RIMBP2: variants seen among roughly 807,000 people sequenced by gnomAD.
RIMBP2 encodes RIMS-binding protein 2.
Under a neutral mutation model 118.6 loss-of-function variants are expected in RIMBP2, and 48 were observed. The observed-to-expected ratio is 0.40, with a 90% CI of 0.32 to 0.51. The LOEUF (loss-of-function observed/expected upper bound fraction) is 0.51. Among genes scored for constraint, RIMBP2 ranks in the 20% least tolerant of loss-of-function variants. The probability of loss-of-function intolerance (pLI) is 0.41; values close to 1 mark genes in which losing one functional copy is unlikely to be tolerated. For synonymous variants in RIMBP2, 762 were observed against 742.9 expected (o/e 1.03, Z -0.42); for missense variants, 1,551 against 1,768.3 (o/e 0.88, Z 2.20).
rs142012102 is a variant in RIMBP2, at chr12:130,439,048, T to C, written c.1505-532A>G. Among the ~76,000 whole-genome samples, 834 of 151,986 alleles carry C rather than the reference T, an allele frequency of 5.5e-3. 7 individuals carry two copies. The highest frequency in any genetic ancestry group is 0.019 in the African/African-American group (781 of 41,454). On this transcript the variant is annotated intron_variant, in intron 11 of 22. Coordinates refer to ENST00000690449, the MANE Select transcript of RIMBP2 (RefSeq NM_001393629.1). ...TGCCCGGACCGCATATTCCCCATCT[T>C]ACCACCCCATGAAACTGAGCAAAAC... is the stretch of plus-strand genomic sequence containing the variant.
chr12:130,594,577 A>C (rs2059447563), intron 2 of RIMBP2, among the ~76,000 whole-genome samples: 1 of 152,216 alleles, frequency 6.6e-6, no homozygotes, highest in Admixed American at 6.5e-5. Flanking sequence ...TTGCAAAAAA[A>C]TCTCATAGTG....
intron 1 of RIMBP2, among the ~76,000 whole-genome samples, chr12:130,671,750 C>T (rs909368929): frequency 6.8e-6 from 1 of 147,294 alleles, no homozygotes; most frequent in Non-Finnish European, 1.5e-5. Context: ...CTTCTCCAGA[C>T]ATTACCAATA....
Position 130,456,768 on chromosome 12 carries a change from TCACATGTGTTGTACGTGTG to T in RIMBP2, c.154-87_154-69del. 8.1e-6 allele frequency: 10 copies of T among 1,227,868 alleles called. No homozygotes were observed. In the South Asian group the frequency reaches 1.4e-4, roughly 17 times the overall value. The allele number at this position is 1,227,868 out of a possible 1,614,324, so 76.1% of individuals were successfully genotyped here. A position where few individuals can be genotyped will look rare whatever the true frequency, so the allele number is the denominator to read the frequency against. On this transcript the variant is annotated intron_variant, in intron 6 of 22. Coordinates refer to ENST00000690449, the MANE Select transcript of RIMBP2 (RefSeq NM_001393629.1). ...GTGGTGGAAATGTGTGTGCGCCTGT[TCACATGTGTTGTACGTGTG>T]CACATGTGCACTGTGTGCACGTGTG...
chr12:130,574,824 T>C (rs1253877785), intron 2 of RIMBP2, among the ~76,000 whole-genome samples: 3 of 152,096 alleles, frequency 2.0e-5, no homozygotes, highest in Non-Finnish European at 2.9e-5. Context: ...CAAGCCTGGT[T>C]CCCTCTGTCC....
chr12:130,451,587 G>A (rs368534065), intron 7 of RIMBP2, among the ~76,000 whole-genome samples: 74 of 152,326 alleles, frequency 4.9e-4, no homozygotes, highest in African/African-American at 1.6e-3. Flanking sequence ...TCAGGACGAG[G>A]ATGGTCCCAG....
rs1464854368 is a variant in RIMBP2, at chr12:130,683,109, G to A, written c.-352+33113C>T. ...CCATTTGGAAACAGGGTCTGTGCAG[G>A]TATAATTAAGGTAAGGGTAGAGATG... is the stretch of plus-strand genomic sequence containing the variant. On this transcript the variant is annotated intron_variant, in intron 1 of 22. Coordinates refer to ENST00000690449, the MANE Select transcript of RIMBP2 (RefSeq NM_001393629.1). The surrounding 1 kb of genome is among the most constrained non-coding windows in gnomAD (Gnocchi z 4.4). 6.6e-6 allele frequency among the ~76,000 whole-genome samples: 1 copy of A among 152,148 alleles called. No homozygotes were observed. Among genetic ancestry groups the A allele is most frequent in the Non-Finnish European group, 1.5e-5 (1 of 68,028 alleles).
intron 1 of RIMBP2, among the ~76,000 whole-genome samples, chr12:130,637,756 A>G (rs1312588720): frequency 1.3e-5 from 2 of 151,966 alleles, no homozygotes; most frequent in Non-Finnish European, 2.9e-5. Context: ...CCTCTTTCCT[A>G]TTTGTTGTTT....
At chr12:130,535,625 C>CTA (rs1178057049) in intron 2 of RIMBP2, among the ~76,000 whole-genome samples, 3 of 150,690 alleles carry the variant, frequency 2.0e-5, no homozygotes, top group African/African-American at 4.9e-5. Context: ...ACAGCTCTCT[C>CTA]TATATATATA....
chr12:130,446,361 GAAGAT>G lies in RIMBP2; in HGVS notation c.582-1097_582-1093del, dbSNP rs1397974388. On this transcript the variant is annotated intron_variant, in intron 9 of 22. Coordinates refer to ENST00000690449, the MANE Select transcript of RIMBP2 (RefSeq NM_001393629.1). The surrounding 1 kb of genome is among the most constrained non-coding windows in gnomAD (Gnocchi z 4.1). ...GGCCATTAAATGTTAGGAAAACAGA[GAAGAT>G]AAGGTCCCCAGTCTCAATGGCTGAG... Among the ~76,000 whole-genome samples, 1 of 152,202 alleles carries G rather than the reference GAAGAT, an allele frequency of 6.6e-6. No individual in the cohort carries two copies. Among genetic ancestry groups the G allele is most frequent in the Non-Finnish European group, 1.5e-5 (1 of 68,038 alleles).
chr12:130,591,726 C>T (rs1180773092), intron 2 of RIMBP2, among the ~76,000 whole-genome samples: 1 of 152,176 alleles, frequency 6.6e-6, no homozygotes, highest in Non-Finnish European at 1.5e-5. Flanking sequence ...TGCTCCAGGA[C>T]GATCTCACCC....
chr12:130,556,752 A>G (rs894960186), intron 2 of RIMBP2, among the ~76,000 whole-genome samples: 1 of 152,216 alleles, frequency 6.6e-6, no homozygotes, highest in African/African-American at 2.4e-5. Context: ...CCAAATGGAA[A>G]GCAGACAGCT....
At chr12:130,591,445 C>T (rs2059258702) in intron 2 of RIMBP2, among the ~76,000 whole-genome samples, 1 of 152,172 alleles carries the variant, frequency 6.6e-6, no homozygotes, top group Admixed American at 6.5e-5. Flanking sequence ...ATGCTGTTTC[C>T]TAGGACTGCC....
At chr12:130,397,813 A>G (rs565104861) in intron 22 of RIMBP2, 1 of 285,096 alleles carries the variant, frequency 3.5e-6, no homozygotes, top group African/African-American at 2.2e-5. Flanking sequence ...TAAGGCAGGT[A>G]ATAATTCACT....
At chr12:130,497,170 G>A (rs1027128440) in intron 4 of RIMBP2, among the ~76,000 whole-genome samples, 1 of 152,102 alleles carries the variant, frequency 6.6e-6, no homozygotes, top group Non-Finnish European at 1.5e-5. Flanking sequence ...CCTCCCTGAT[G>A]TGCGACCGCA....
intron 3 of RIMBP2, among the ~76,000 whole-genome samples, chr12:130,509,768 T>A (rs2050730520): frequency 6.6e-6 from 1 of 150,610 alleles, no homozygotes; most frequent in African/African-American, 2.5e-5. Context: ...TTGTTAGTAC[T>A]TTCTTTTCTA....
At chr12:130,493,223 C>G (rs1267707901) in intron 4 of RIMBP2, among the ~76,000 whole-genome samples, 1 of 152,192 alleles carries the variant, frequency 6.6e-6, no homozygotes, top group African/African-American at 2.4e-5. Flanking sequence ...TTAGGTCTGC[C>G]ACTCGATTTG....
intron 1 of RIMBP2, among the ~76,000 whole-genome samples, chr12:130,697,741 G>C (rs914269561): frequency 6.6e-6 from 1 of 152,162 alleles, no homozygotes; most frequent in Non-Finnish European, 1.5e-5. Flanking sequence ...AGGATCGCCT[G>C]AGTCCAGGAA....
At chr12:130,560,201 A>G (rs542918713) in intron 2 of RIMBP2, among the ~76,000 whole-genome samples, 30 of 152,314 alleles carry the variant, frequency 2.0e-4, no homozygotes, top group African/African-American at 5.3e-4. Context: ...CACCATATTC[A>G]GGTAATGTGG....
chr12:130,400,213 G>A (rs548845692), intron 21 of RIMBP2, among the ~76,000 whole-genome samples: 1 of 152,316 alleles, frequency 6.6e-6, no homozygotes, highest in East Asian at 1.9e-4. Context: ...ACCAATGATG[G>A]ACACCTTCAG....
Sources: gnomAD v4.1 joint callset for allele counts (sites outside exome capture counted in the v4.1 genomes callset) on GRCh38, gnomAD v4.1.1 for gene constraint, Gnocchi (gnomAD v3.1) non-coding constraint, MANE v1.5 for transcripts, NCBI Gene and HGNC (gene_info 2026-07-23, HGNC 2026-07-21) for gene names.